ATP10B: variants seen among roughly 807,000 people sequenced by gnomAD.
The protein encoded by ATP10B is ATPase phospholipid transporting 10B (putative).
Under a neutral mutation model 141.2 loss-of-function variants are expected in ATP10B, and 122 were observed. The ratio of observed to expected loss-of-function variants is 0.86; its 90% CI spans 0.75 to 1.00. The LOEUF (loss-of-function observed/expected upper bound fraction) is 1.00, where lower values mean the gene tolerates loss of function less well. Among genes scored for constraint, ATP10B ranks in the 50% least tolerant of loss-of-function variants. The probability of loss-of-function intolerance (pLI) is 0.00; values close to 1 mark genes in which losing one functional copy is unlikely to be tolerated. For missense variants in ATP10B, 1,876 were observed against 1,825.3 expected (o/e 1.03, Z -0.51); for synonymous variants, 685 against 692.0 (o/e 0.99, Z 0.16).
intron 16 of ATP10B, 107 bp downstream of exon 16, chr5:160,617,749 TTGAAAATG>T: frequency 1.1e-6 from 1 of 936,660 alleles, no homozygotes; most frequent in Admixed American, 2.5e-5. Context: ...ACAGCTAATC[TTGAAAATG>T]TTAAAACAAC....
At chr5:160,736,530 A>G (rs1767122315) in intron 2 of ATP10B, among the ~76,000 whole-genome samples, 1 of 152,092 alleles carries the variant, frequency 6.6e-6, no homozygotes, top group Non-Finnish European at 1.5e-5. Context: ...TTGGGAGGCC[A>G]AGGCAGGAGG....
chr5:160,836,778 G>A (rs540859448), intron 1 of ATP10B, among the ~76,000 whole-genome samples: 1 of 152,048 alleles, frequency 6.6e-6, no homozygotes, highest in Non-Finnish European at 1.5e-5. Flanking sequence ...TCAAAGCTGA[G>A]ATGAAAAACC....
At chr5:160,647,837 G>T (rs927887853) in intron 8 of ATP10B, among the ~76,000 whole-genome samples, 17 of 152,042 alleles carry the variant, frequency 1.1e-4, no homozygotes, top group African/African-American at 4.1e-4. Flanking sequence ...AAAGTAATTT[G>T]CCTATAAAAG....
chr5:160,646,113 AT>A (rs900604571), intron 8 of ATP10B, among the ~76,000 whole-genome samples: 18 of 152,194 alleles, frequency 1.2e-4, no homozygotes, highest in African/African-American at 4.1e-4. Flanking sequence ...AGTGGCTGAG[AT>A]TTTTCCAAGG....
At chr5:160,783,547 A>G (rs917144914) in intron 2 of ATP10B, among the ~76,000 whole-genome samples, 6 of 122,696 alleles carry the variant, frequency 4.9e-5, no homozygotes, top group African/African-American at 1.8e-4. Context: ...TGATATATAT[A>G]TCATATATAT....
chr5:160,704,596 C>T (rs1764867292), intron 3 of ATP10B, among the ~76,000 whole-genome samples: 1 of 152,168 alleles, frequency 6.6e-6, no homozygotes, highest in East Asian at 1.9e-4. Flanking sequence ...GCATTATTCT[C>T]TAACTAGAGA....
At chr5:160,727,272 C>G (rs556878347) in intron 2 of ATP10B, among the ~76,000 whole-genome samples, 6 of 152,336 alleles carry the variant, frequency 3.9e-5, no homozygotes, top group African/African-American at 1.4e-4. Flanking sequence ...ATAGGCACCT[C>G]TATCATCATT....
At chr5:160,873,692 C>G in the ATP10B span, among the ~76,000 whole-genome samples, 1 of 152,152 alleles carries the variant, frequency 6.6e-6, no homozygotes, top group Non-Finnish European at 1.5e-5. Flanking sequence ...GTGCGCGAGC[C>G]AAAGCAGGGC....
At chr5:160,698,933 A>T (rs993530906) in intron 3 of ATP10B, among the ~76,000 whole-genome samples, 2 of 152,222 alleles carry the variant, frequency 1.3e-5, no homozygotes, top group Non-Finnish European at 2.9e-5. Context: ...TCTCATCCCC[A>T]TGTCAGACCC....
At chr5:160,832,612 C>T (rs934743538) in intron 1 of ATP10B, among the ~76,000 whole-genome samples, 24 of 152,102 alleles carry the variant, frequency 1.6e-4, no homozygotes, top group African/African-American at 5.8e-4. Context: ...ATAACCTGTG[C>T]TTCTAGAATG....
intron 22 of ATP10B, among the ~76,000 whole-genome samples, chr5:160,597,347 G>A (rs1756780278): frequency 6.6e-6 from 1 of 152,150 alleles, no homozygotes; most frequent in African/African-American, 2.4e-5. Context: ...GCCATATGTA[G>A]AAAGCTGAAA....
chr5:160,813,440 G>T (rs995503560), intron 1 of ATP10B, among the ~76,000 whole-genome samples: 5 of 152,200 alleles, frequency 3.3e-5, no homozygotes, highest in Non-Finnish European at 5.9e-5. Flanking sequence ...TGGGGGAAGG[G>T]CACCCACCAC....
the ATP10B span, among the ~76,000 whole-genome samples, chr5:160,896,576 C>T: frequency 1.3e-5 from 2 of 152,104 alleles, no homozygotes; most frequent in Non-Finnish European, 2.9e-5. Flanking sequence ...AAAAAAAGCC[C>T]AGGACCAGAT....
chr5:160,704,912 A>ATTTT (rs1764894071), intron 3 of ATP10B, among the ~76,000 whole-genome samples: 3 of 43,694 alleles, frequency 6.9e-5, no homozygotes, highest in Non-Finnish European at 1.1e-4. Context: ...CATTTCTTTC[A>ATTTT]TCTTTTTTTT....
At chr5:160,737,513 C>CA (rs1767205919) in intron 2 of ATP10B, among the ~76,000 whole-genome samples, 1 of 152,032 alleles carries the variant, frequency 6.6e-6, no homozygotes, top group South Asian at 2.1e-4. Flanking sequence ...AAAGACTCCA[C>CA]AAAAAACTCT....
At chr5:160,804,860 T>C (rs1772664545) in intron 1 of ATP10B, among the ~76,000 whole-genome samples, 1 of 152,348 alleles carries the variant, frequency 6.6e-6, no homozygotes, top group East Asian at 1.9e-4. Context: ...CAGCTGTCCC[T>C]GCATATATGC....
intron 2 of ATP10B, among the ~76,000 whole-genome samples, chr5:160,782,021 T>C (rs1379543879): frequency 6.6e-6 from 1 of 152,150 alleles, no homozygotes; most frequent in Non-Finnish European, 1.5e-5. Context: ...GGATAGAAAG[T>C]ATTATATACA....
chr5:160,637,119 T>G (rs1430192278), intron 10 of ATP10B, among the ~76,000 whole-genome samples: 2 of 70,336 alleles, frequency 2.8e-5, no homozygotes, highest in Non-Finnish European at 7.5e-5. Flanking sequence ...TACTCACCCA[T>G]CTATCCATCT....
rs529348328 is a variant in ATP10B at position 160,588,256 on chromosome 5, C to T, written c.3750+1336G>A. On this transcript the variant is annotated intron_variant, in intron 24 of 25. Transcript: ENST00000327245. ...TATTTCTTTCTCGTGCTTGATTGCC[C>T]TGGCCAGAACTTCAATACTATGTTG... Among the ~76,000 whole-genome samples, 3 of 152,118 alleles carry T rather than the reference C, an allele frequency of 2.0e-5. No homozygotes were observed. In the South Asian group the frequency reaches 6.2e-4, roughly 32 times the overall value.
Sources: gnomAD v4.1 joint callset for allele counts (sites outside exome capture counted in the v4.1 genomes callset) on GRCh38, gnomAD v4.1.1 for gene constraint, MANE v1.5 for transcripts, NCBI Gene and HGNC (gene_info 2026-07-23, HGNC 2026-07-21) for gene names.